PCDHGB3: variants seen among roughly 807,000 people sequenced by gnomAD.
PCDHGB3 encodes the protein protocadherin gamma subfamily B, 3.
In PCDHGB3, 40 loss-of-function variants were observed where a neutral mutation model predicts 59.2. The ratio of observed to expected loss-of-function variants is 0.68; its 90% CI spans 0.52 to 0.88. The LOEUF (loss-of-function observed/expected upper bound fraction) is 0.88, where lower values mean the gene tolerates loss of function less well. Among genes scored for constraint, PCDHGB3 ranks in the 40% least tolerant of loss-of-function variants. PCDHGB3 has a pLI of 0.00. For missense variants in PCDHGB3, 1,309 were observed against 1,187.9 expected, an observed-to-expected ratio of 1.10 and a Z score of -1.50; for synonymous variants, 581 against 503.6, an observed-to-expected ratio of 1.15 and a Z score of -2.06.
At chr5:141,458,081 G>A (rs765008628) in intron 1 of PCDHGB3, among the ~76,000 whole-genome samples, 62 of 152,186 alleles carry the variant, frequency 4.1e-4, no homozygotes, top group East Asian at 1.9e-4. Flanking sequence ...CTATATTGCC[G>A]TAAGTTAAGA....
At position 141,415,428 on chromosome 5, in the gene PCDHGB3, G is replaced by T. The variant is rs948747218; in HGVS notation, c.2415+42619G>T. 1.5e-5 allele frequency: 24 copies of T among 1,614,088 alleles called. No individual in the cohort carries two copies. In the Admixed American group the frequency reaches 1.7e-4, roughly 11 times the overall value. ...ACTTTGTGGGCGTGGACGGGGTTCG[G>T]GCTTTCCTGCAGACCTATTCCCACG... On this transcript the variant is annotated intron_variant, in intron 1 of 3. Transcript: ENST00000576222.
At chr5:141,425,624 G>T (rs1007643604) in intron 1 of PCDHGB3, among the ~76,000 whole-genome samples, 1 of 152,184 alleles carries the variant, frequency 6.6e-6, no homozygotes, top group African/African-American at 2.4e-5. Flanking sequence ...TGCTCCTCCA[G>T]TTTTCTCTGA....
intron 1 of PCDHGB3, chr5:141,421,678 G>C (rs903229017): frequency 3.7e-6 from 6 of 1,613,776 alleles, no homozygotes; most frequent in Non-Finnish European, 5.1e-6. Context: ...AATTCCTGGG[G>C]CGCGATTTGC....
At chr5:141,387,211 C>T (rs184165131) in intron 1 of PCDHGB3, among the ~76,000 whole-genome samples, 35 of 152,068 alleles carry the variant, frequency 2.3e-4, no homozygotes, top group African/African-American at 7.7e-4. Flanking sequence ...TGATACTCTC[C>T]GGAAAAAGTT....
chr5:141,441,310 C>T (rs2098239133), intron 1 of PCDHGB3: 1 of 152,154 alleles, frequency 6.6e-6, no homozygotes, highest in Non-Finnish European at 1.5e-5. Context: ...AGAAAATGCA[C>T]CTTGAGAAAA....
rs764658508 is a variant in PCDHGB3 at position 141,431,546 on chromosome 5, G to A, written c.2415+58737G>A. 1.2e-6 allele frequency: 2 copies of A among 1,614,000 alleles called. No homozygotes were observed. Among genetic ancestry groups the A allele is most frequent in the Admixed American group, 3.3e-5 (2 of 60,012 alleles). On this transcript the variant is annotated intron_variant, in intron 1 of 3. Coordinates refer to ENST00000576222, the MANE Select transcript of PCDHGB3 (RefSeq NM_018924.5). This position sits in a 1 kb window ranked among gnomAD's most constrained non-coding sequence, Gnocchi z 4.8. The stretch of plus-strand genomic sequence containing the variant: ...TCTGGCCTTGGGCACGCAGCTGCTT[G>A]TAGTCAACGCTACCGACCCTGACGA...
chr5:141,400,212 C>G (rs773459521), intron 1 of PCDHGB3: 4 of 1,614,058 alleles, frequency 2.5e-6, no homozygotes, highest in Non-Finnish European at 3.4e-6. Context: ...TGGCCTTGAT[C>G]TCAGTGCTCT....
chr5:141,434,564 A>C (rs2097703207), intron 1 of PCDHGB3, among the ~76,000 whole-genome samples: 1 of 152,228 alleles, frequency 6.6e-6, no homozygotes, highest in Admixed American at 6.5e-5. Context: ...CCTTAAGGAC[A>C]TGCCCCTGCT....
chr5:141,380,304 C>T (rs1241911160), intron 1 of PCDHGB3, among the ~76,000 whole-genome samples: 3 of 151,974 alleles, frequency 2.0e-5, no homozygotes, highest in Non-Finnish European at 2.9e-5. Flanking sequence ...TATATCTTTG[C>T]TTGAGAATGA....
chr5:141,482,763 T>TGC (rs2099571981), intron 1 of PCDHGB3, among the ~76,000 whole-genome samples: 1 of 127,550 alleles, frequency 7.8e-6, no homozygotes, highest in African/African-American at 3.6e-5. Flanking sequence ...GGTATTTCAT[T>TGC]ATCACTGAAC....
intron 1 of PCDHGB3, among the ~76,000 whole-genome samples, chr5:141,466,225 C>A (rs925594512): frequency 2.0e-5 from 3 of 152,028 alleles, no homozygotes; most frequent in Admixed American, 6.6e-5. Flanking sequence ...GGCTGGAGTG[C>A]AGTGGCACCA....
chr5:141,476,421 C>T lies in PCDHGB3; in HGVS notation c.2416-18386C>T, dbSNP rs765688262. On this transcript the variant is annotated intron_variant, in intron 1 of 3. Coordinates refer to ENST00000576222, the MANE Select transcript of PCDHGB3 (RefSeq NM_018924.5). The surrounding 1 kb of genome is among the most constrained non-coding windows in gnomAD (Gnocchi z 7.6). ...CGAGAGGAGCTGTGTGGGACACTGC[C>T]CTCTTGCACTGTAACTCTGGAGTTG... 1 of 1,614,026 alleles carries T rather than the reference C, an allele frequency of 6.2e-7. No homozygotes were observed. The highest frequency in any genetic ancestry group is 8.5e-7 in the Non-Finnish European group (1 of 1,179,994).
rs770219250 is a variant in PCDHGB3, at chr5:141,477,852, T to C, written c.2416-16955T>C. Reference sequence around the variant, plus strand: ...CGGCCAGGTGGGAGCTCGGTGGAGATGCTGCCTCGAGGTACCTCAGCTGGC... The same window carrying C: ...CGGCCAGGTGGGAGCTCGGTGGAGACGCTGCCTCGAGGTACCTCAGCTGGC... On this transcript the variant is annotated intron_variant, in intron 1 of 3. Transcript: ENST00000576222. This position sits in a 1 kb window ranked among gnomAD's most constrained non-coding sequence, Gnocchi z 4.9. The C allele has an allele frequency of 6.2e-7, 1 of 1,613,654 alleles. No homozygotes were observed. Among genetic ancestry groups the C allele is most frequent in the Admixed American group, 1.7e-5 (1 of 59,980 alleles).
chr5:141,472,770 G>C (rs953423129), intron 1 of PCDHGB3, among the ~76,000 whole-genome samples: 5 of 152,046 alleles, frequency 3.3e-5, no homozygotes, highest in Admixed American at 6.6e-5. Flanking sequence ...CAGATCACCT[G>C]AGGTTGGGAG....
chr5:141,502,468 C>A (rs1007796183), intron 2 of PCDHGB3, among the ~76,000 whole-genome samples: 6 of 151,190 alleles, frequency 4.0e-5, no homozygotes, highest in Non-Finnish European at 8.8e-5. Flanking sequence ...GGAATACTTC[C>A]CGCAGCATCA....
chr5:141,494,048 G>C (rs764072099), intron 1 of PCDHGB3, among the ~76,000 whole-genome samples: 3 of 152,148 alleles, frequency 2.0e-5, no homozygotes, highest in Non-Finnish European at 2.9e-5. Flanking sequence ...GGCCCTGCTT[G>C]GAGGCTGTGG....
Position 141,491,162 on chromosome 5 carries a change from C to T in PCDHGB3, c.2416-3645C>T. 6.2e-7 allele frequency: 1 copy of T among 1,614,112 alleles called. No homozygotes were observed. Among genetic ancestry groups the T allele is most frequent in the Non-Finnish European group, 8.5e-7 (1 of 1,179,952 alleles). On this transcript the variant is annotated intron_variant, in intron 1 of 3. Coordinates refer to ENST00000576222, the MANE Select transcript of PCDHGB3 (RefSeq NM_018924.5). This position sits in a 1 kb window ranked among gnomAD's most constrained non-coding sequence, Gnocchi z 6.9. ...GCCTTACTGGAGGATGACTCTGACA[C>T]CCAGCAGGTGGTGGTCCTGGTGAGG...
intron 1 of PCDHGB3, among the ~76,000 whole-genome samples, chr5:141,387,074 C>G (rs1268463514): frequency 6.6e-6 from 1 of 152,172 alleles, no homozygotes. Flanking sequence ...GAGTAGGCTA[C>G]TGCCTGTGAT....
Position 141,431,067 on chromosome 5 carries a change from A to G in PCDHGB3, c.2415+58258A>G. The G allele has an allele frequency of 1.2e-6, 2 of 1,614,164 alleles. No homozygotes were observed. Among genetic ancestry groups the G allele is most frequent in the Non-Finnish European group, 1.7e-6 (2 of 1,179,976 alleles). Reference sequence around the variant, plus strand: ...CTCTGTATGGGGGCCATCAAGTGTCAATTAAATCTAGACATTCTGATGGAG... The same window carrying G: ...CTCTGTATGGGGGCCATCAAGTGTCGATTAAATCTAGACATTCTGATGGAG... On this transcript the variant is annotated intron_variant, in intron 1 of 3. Transcript: ENST00000576222. This position sits in a 1 kb window ranked among gnomAD's most constrained non-coding sequence, Gnocchi z 4.8.
Sources: gnomAD v4.1 joint callset for allele counts (sites outside exome capture counted in the v4.1 genomes callset) on GRCh38, gnomAD v4.1.1 for gene constraint, Gnocchi (gnomAD v3.1) non-coding constraint, MANE v1.5 for transcripts, NCBI Gene and HGNC (gene_info 2026-07-23, HGNC 2026-07-21) for gene names.